Variants in ADAMTSL1 observed in about 807,000 individuals in gnomAD.
ADAMTSL1 encodes ADAMTS like 1.
A neutral mutation model predicts 201.8 loss-of-function variants in ADAMTSL1; 126 were observed. The ratio of observed to expected loss-of-function variants is 0.62; its 90% CI spans 0.54 to 0.72. The LOEUF (loss-of-function observed/expected upper bound fraction) is 0.72. Ranked by LOEUF, ADAMTSL1 falls within the 30% of genes least tolerant of loss-of-function variation. The probability of loss-of-function intolerance (pLI) is 0.00; values close to 1 mark genes in which losing one functional copy is unlikely to be tolerated. For synonymous variants in ADAMTSL1, 1,121 were observed against 903.4 expected (o/e 1.24, Z -4.32); for missense variants, 2,679 against 2,277.8 (o/e 1.18, Z -3.59).
intron 1 of ADAMTSL1, among the ~76,000 whole-genome samples, chr9:18,050,985 C>T (rs1029504663): frequency 6.6e-6 from 1 of 152,222 alleles, no homozygotes; most frequent in Non-Finnish European, 1.5e-5. Flanking sequence ...TCAGTGCAAT[C>T]ACTTTACTTA....
chr9:18,483,718 T>C (rs1469481399), intron 1 of ADAMTSL1, among the ~76,000 whole-genome samples: 2 of 152,022 alleles, frequency 1.3e-5, no homozygotes, highest in African/African-American at 4.8e-5. Flanking sequence ...TCCCAGCTAC[T>C]CGGGATGCTG....
intron 23 of ADAMTSL1, among the ~76,000 whole-genome samples, chr9:18,845,913 A>G (rs752635997): frequency 2.6e-5 from 4 of 152,226 alleles, no homozygotes; most frequent in Admixed American, 6.5e-5. Flanking sequence ...AGGAGCGTAT[A>G]TGAGAAAACA....
intron 2 of ADAMTSL1, among the ~76,000 whole-genome samples, chr9:18,177,032 G>C (rs773027276): frequency 6.6e-6 from 1 of 152,152 alleles, no homozygotes; most frequent in African/African-American, 2.4e-5. Context: ...CTATTGCTTT[G>C]CACCCTCAAT....
rs184822686 is a variant in ADAMTSL1, at chr9:18,089,256, A to T, written c.88-74606A>T. Among the ~76,000 whole-genome samples, 4 of 152,314 alleles carry T rather than the reference A, an allele frequency of 2.6e-5. No homozygotes were observed. In the East Asian group the frequency reaches 7.7e-4, roughly 29 times the overall value. On this transcript the variant is annotated intron_variant, in intron 1 of 29. Coordinates refer to the ADAMTSL1 transcript ENST00000680146. ...GATAGACTTGATAAAGAAAAGTGGC[A>T]CATATATACCATGGAATACTCTGCA... is the stretch of plus-strand genomic sequence containing the variant.
At chr9:18,875,551 A>T (rs541249048) in intron 23 of ADAMTSL1, among the ~76,000 whole-genome samples, 2 of 152,072 alleles carry the variant, frequency 1.3e-5, no homozygotes, top group African/African-American at 4.8e-5. Context: ...ATGTATTTGC[A>T]TGGTTTTGAA....
chr9:18,902,647 AAAAG>A (rs1830076702), intron 26 of ADAMTSL1, among the ~76,000 whole-genome samples: 3 of 152,186 alleles, frequency 2.0e-5, no homozygotes, highest in African/African-American at 7.2e-5. Context: ...CTTACATTAA[AAAAG>A]AAAGACTTCA....
intron 14 of ADAMTSL1, among the ~76,000 whole-genome samples, chr9:18,719,197 G>A (rs769333306): frequency 6.6e-6 from 1 of 152,158 alleles, no homozygotes; most frequent in Non-Finnish European, 1.5e-5. Context: ...TAATTTGAAT[G>A]TCTAATAGAA....
intron 2 of ADAMTSL1, among the ~76,000 whole-genome samples, chr9:18,164,365 T>C (rs376970591): frequency 4.6e-5 from 7 of 152,066 alleles, no homozygotes; most frequent in African/African-American, 1.7e-4. Context: ...AATTCCACTG[T>C]CTTCCAATCC....
At chr9:18,059,387 TG>T (rs1822349714) in intron 1 of ADAMTSL1, among the ~76,000 whole-genome samples, 1 of 152,232 alleles carries the variant, frequency 6.6e-6, no homozygotes, top group Admixed American at 6.5e-5. Context: ...TTTCATGTCA[TG>T]TATTTTGTGA....
At chr9:18,628,630 T>G (rs1826548088) in intron 5 of ADAMTSL1, among the ~76,000 whole-genome samples, 1 of 152,198 alleles carries the variant, frequency 6.6e-6, no homozygotes, top group Non-Finnish European at 1.5e-5. Flanking sequence ...GCTGGGATTT[T>G]TTTGTGTTAA....
chr9:17,924,369 G>C (rs980663858), intron 1 of ADAMTSL1, among the ~76,000 whole-genome samples: 5 of 152,008 alleles, frequency 3.3e-5, no homozygotes, highest in Admixed American at 6.6e-5. Context: ...TGTATGTGTC[G>C]AGGAATTTAT....
intron 7 of ADAMTSL1, among the ~76,000 whole-genome samples, chr9:18,642,948 A>G (rs1397041721): frequency 6.6e-6 from 1 of 152,020 alleles, no homozygotes; most frequent in Non-Finnish European, 1.5e-5. Flanking sequence ...TATACCCAGG[A>G]GTGAGATTGC....
chr9:18,531,672 A>T (rs1798714127), intron 2 of ADAMTSL1, among the ~76,000 whole-genome samples: 1 of 152,220 alleles, frequency 6.6e-6, no homozygotes, highest in South Asian at 2.1e-4. Flanking sequence ...TGCTATATGC[A>T]TTTCTTACAC....
rs372151541 is a variant in ADAMTSL1, at chr9:18,347,552, G to A, written c.208-157277G>A. Among the ~76,000 whole-genome samples, 59 of 152,264 alleles carry A rather than the reference G, an allele frequency of 3.9e-4. No homozygotes were observed. The East Asian group carries it at 6.2e-3, about 16-fold the overall frequency. On this transcript the variant is annotated intron_variant, in intron 2 of 29. Coordinates refer to the ADAMTSL1 transcript ENST00000680146. ...GAGGGATCTATGTGACACCAACATA[G>A]TTAGAATGTTTCAGAATTATTTAAA...
chr9:18,150,647 T>C (rs559059842), intron 1 of ADAMTSL1, among the ~76,000 whole-genome samples: 1 of 151,614 alleles, frequency 6.6e-6, no homozygotes, highest in East Asian at 2.0e-4. Context: ...AATATGAAGA[T>C]ATGAAGAGAT....
chr9:18,628,363 T>C (rs990826279), intron 5 of ADAMTSL1, among the ~76,000 whole-genome samples: 6 of 152,214 alleles, frequency 3.9e-5, no homozygotes, highest in African/African-American at 1.4e-4. Flanking sequence ...TCTTTTGAAT[T>C]GTCTTTAAAC....
At chr9:18,460,655 C>T (rs1186445426) in intron 2 of ADAMTSL1, among the ~76,000 whole-genome samples, 1 of 152,180 alleles carries the variant, frequency 6.6e-6, no homozygotes, top group African/African-American at 2.4e-5. Context: ...TATCGCTACG[C>T]TCAGCTTCTT....
At chr9:18,757,515 C>T (rs1429877098) in intron 16 of ADAMTSL1, among the ~76,000 whole-genome samples, 1 of 151,776 alleles carries the variant, frequency 6.6e-6, no homozygotes, top group Non-Finnish European at 1.5e-5. Flanking sequence ...TTGTTCAGGC[C>T]TTCATCCCTC....
intron 8 of ADAMTSL1, among the ~76,000 whole-genome samples, chr9:18,660,707 CT>C (rs746543419): frequency 1.1e-4 from 16 of 152,132 alleles, no homozygotes; most frequent in Non-Finnish European, 2.1e-4. Flanking sequence ...CATTTTGCTA[CT>C]TGATTTTTTT....
Sources: gnomAD v4.1 joint callset for allele counts (sites outside exome capture counted in the v4.1 genomes callset) on GRCh38, gnomAD v4.1.1 for gene constraint, MANE v1.5 for transcripts, NCBI Gene and HGNC (gene_info 2026-07-23, HGNC 2026-07-21) for gene names.